AGAP1: variants seen among roughly 807,000 people sequenced by gnomAD.
The protein encoded by AGAP1 is ArfGAP with GTPase domain, ankyrin repeat and PH domain 1, also known as arf-GAP with GTPase, ANK repeat and PH domain-containing protein 1.
In AGAP1, 29 loss-of-function variants were observed where a neutral mutation model predicts 105.3. The ratio of observed to expected loss-of-function variants is 0.28; its 90% CI spans 0.21 to 0.38. The LOEUF is 0.38. Ranked by LOEUF, AGAP1 falls within the 10% of genes least tolerant of loss-of-function variation. AGAP1 has a pLI of 1.00. For synonymous variants in AGAP1, 509 were observed against 485.9 expected, an observed-to-expected ratio of 1.05 and a Z score of -0.63; for missense variants, 998 against 1,165.1, an observed-to-expected ratio of 0.86 and a Z score of 2.09.
In AGAP1 at chr2:235,919,733, A is replaced by G. The variant is rs1178325929; in HGVS notation, c.1324+10827A>G. ...AAACACACACACACACACCTGTTGC[A>G]TTTATCATATAAAGGAGAAAGAATA... On this transcript the variant is annotated intron_variant, in intron 11 of 17. Transcript: ENST00000304032. This position sits in a 1 kb window ranked among gnomAD's most constrained non-coding sequence, Gnocchi z 4.1. Among the ~76,000 whole-genome samples, 3 of 152,206 alleles carry G rather than the reference A, an allele frequency of 2.0e-5. No individual in the cohort carries two copies. The highest frequency in any genetic ancestry group is 6.5e-5 in the Admixed American group (1 of 15,278).
intron 9 of AGAP1, among the ~76,000 whole-genome samples, chr2:235,836,442 A>AAT (rs1255279290): frequency 9.8e-5 from 15 of 152,288 alleles, no homozygotes; most frequent in African/African-American, 3.6e-4. Flanking sequence ...CCCTTGTGGG[A>AAT]ATGCTGCTGA....
At chr2:235,498,804 C>T (rs1206907737) in intron 1 of AGAP1, among the ~76,000 whole-genome samples, 1 of 152,306 alleles carries the variant, frequency 6.6e-6, no homozygotes, top group African/African-American at 2.4e-5. Context: ...AGCCTCCATC[C>T]CCACCAGGTG....
Position 235,843,895 on chromosome 2 carries a change from G to A in AGAP1, c.1050+36564G>A, listed in dbSNP as rs912636300. 1.3e-5 allele frequency among the ~76,000 whole-genome samples: 2 copies of A among 152,326 alleles called. No individual in the cohort carries two copies. Among genetic ancestry groups the A allele is most frequent in the Admixed American group, 6.5e-5 (1 of 15,308 alleles). The stretch of plus-strand genomic sequence containing the variant: ...CCAGGCAGCCTCCTGGGCCGCCAGT[G>A]GTGTGGAGCTGGCCGAGAAAGGAGC... On this transcript the variant is annotated intron_variant, in intron 9 of 17. Coordinates refer to ENST00000304032, the MANE Select transcript of AGAP1 (RefSeq NM_001037131.3). The surrounding 1 kb of genome is among the most constrained non-coding windows in gnomAD (Gnocchi z 5.9).
chr2:236,063,360 G>A (rs1277298782), intron 16 of AGAP1, among the ~76,000 whole-genome samples: 1 of 152,156 alleles, frequency 6.6e-6, no homozygotes, highest in Non-Finnish European at 1.5e-5. Flanking sequence ...CAAAGTGCTG[G>A]GATTACAGGC....
intron 13 of AGAP1, among the ~76,000 whole-genome samples, chr2:235,985,596 CT>C (rs1377170730): frequency 1.3e-5 from 2 of 152,146 alleles, no homozygotes; most frequent in Non-Finnish European, 2.9e-5. Flanking sequence ...TCATTTAACT[CT>C]TTAATTAATC....
rs1957995683 is a variant in AGAP1, at chr2:235,809,157, C to G, written c.1050+1826C>G. 2.0e-5 allele frequency among the ~76,000 whole-genome samples: 3 copies of G among 152,012 alleles called. No individual in the cohort carries two copies. In the South Asian group the frequency reaches 6.2e-4, roughly 32 times the overall value. ...CTGGCGGGAGTCCCTCTGTGCGAGC[C>G]AGGTGGGCCCCCGGTATAATTGGAA... On this transcript the variant is annotated intron_variant, in intron 9 of 17. Transcript: ENST00000304032.
chr2:235,670,771 G>A (rs1221552886), intron 1 of AGAP1: 3 of 1,166,136 alleles, frequency 2.6e-6, no homozygotes, highest in Non-Finnish European at 3.6e-6. Flanking sequence ...ACGCGCTCTC[G>A]GACCTGGAGC....
chr2:235,870,143 C>A (rs1249695771), intron 9 of AGAP1, among the ~76,000 whole-genome samples: 1 of 152,192 alleles, frequency 6.6e-6, no homozygotes, highest in Admixed American at 6.5e-5. Context: ...CACAGCCTGT[C>A]CCCAGCTACC....
In AGAP1 at chr2:235,642,204, G is replaced by C. The variant is rs943237082; in HGVS notation, c.164-66975G>C. Among the ~76,000 whole-genome samples the C allele has an allele frequency of 1.3e-5, 2 of 152,198 alleles. No homozygotes were observed. The highest frequency in any genetic ancestry group is 4.8e-5 in the African/African-American group (2 of 41,452). On this transcript the variant is annotated intron_variant, in intron 1 of 17. Coordinates refer to ENST00000304032, the MANE Select transcript of AGAP1 (RefSeq NM_001037131.3). This position sits in a 1 kb window ranked among gnomAD's most constrained non-coding sequence, Gnocchi z 4.1. ...ACTGGGGATTCCTCTCCCAAGTCTT[G>C]CTAGCTCGTGGCATGTGCAATGGGA...
Position 235,721,573 on chromosome 2 carries a change from AGT to A in AGAP1, c.310+3933_310+3934del, listed in dbSNP as rs1426876853. Reference sequence around the variant, plus strand: ...ACTGTAGTAACGAACTGCCACACACAGTGTGGCTTAAAACAGAAATGTATTCT... The same window carrying A: ...ACTGTAGTAACGAACTGCCACACACAGTGGCTTAAAACAGAAATGTATTCT... On this transcript the variant is annotated intron_variant, in intron 3 of 17. Transcript: ENST00000304032. This position sits in a 1 kb window ranked among gnomAD's most constrained non-coding sequence, Gnocchi z 4.5. 6.6e-6 allele frequency among the ~76,000 whole-genome samples: 1 copy of A among 152,218 alleles called. No individual in the cohort carries two copies. The highest frequency in any genetic ancestry group is 2.4e-5 in the African/African-American group (1 of 41,464).
rs187758350 is a variant in AGAP1, at chr2:235,864,561, G to A, written c.1051-18784G>A. Among the ~76,000 whole-genome samples the A allele has an allele frequency of 6.6e-6, 1 of 152,320 alleles. No homozygotes were observed. The highest frequency in any genetic ancestry group is 1.9e-4 in the East Asian group (1 of 5,180). ...AAACGCAGGTCAGCATGGAGGGGCA[G>A]CCTGCAGAGGTGTCACCAGCAGCCA... On this transcript the variant is annotated intron_variant, in intron 9 of 17. Coordinates refer to ENST00000304032, the MANE Select transcript of AGAP1 (RefSeq NM_001037131.3). This position sits in a 1 kb window ranked among gnomAD's most constrained non-coding sequence, Gnocchi z 5.0.
At chr2:235,956,788 G>A (rs2053969837) in intron 12 of AGAP1, among the ~76,000 whole-genome samples, 1 of 152,212 alleles carries the variant, frequency 6.6e-6, no homozygotes, top group Admixed American at 6.5e-5. Context: ...CTGGAGGCCA[G>A]ACAGCCACGT....
At chr2:235,939,009 G>T (rs2125199651) in intron 12 of AGAP1, among the ~76,000 whole-genome samples, 1 of 152,330 alleles carries the variant, frequency 6.6e-6, no homozygotes, top group South Asian at 2.1e-4. Flanking sequence ...AGCCAGGGTT[G>T]AGAAGCTCTT....
Position 235,736,372 on chromosome 2 carries a change from G to T in AGAP1, c.311-4591G>T, listed in dbSNP as rs553999435. ...GAAGTTATGCTGATGTCATTTAATC[G>T]TACGTCATCATAATTGGCAGCAGAG... On this transcript the variant is annotated intron_variant, in intron 3 of 17. Transcript: ENST00000304032. The surrounding 1 kb of genome is among the most constrained non-coding windows in gnomAD (Gnocchi z 5.5). 2.3e-3 allele frequency among the ~76,000 whole-genome samples: 355 copies of T among 152,144 alleles called. 4 individuals carry two copies. Among genetic ancestry groups the T allele is most frequent in the East Asian group, 0.02 (105 of 5,156 alleles).
chr2:235,859,672 C>T (rs2048843403), intron 9 of AGAP1, among the ~76,000 whole-genome samples: 1 of 151,874 alleles, frequency 6.6e-6, no homozygotes, highest in African/African-American at 2.4e-5. Context: ...AGTTATTTTC[C>T]CGAAGGCATT....
rs62190952 is a variant in AGAP1 at position 235,944,608 on chromosome 2, C to G, written c.1483+13685C>G. ...ATCAAGCTTTGCATTAATGCAGAAA[C>G]TGAAATAAGTATCTCCACTCCCCAA... On this transcript the variant is annotated intron_variant, in intron 12 of 17. Transcript: ENST00000304032. Among the ~76,000 whole-genome samples the G allele has an allele frequency of 9.6e-3, 1,459 of 152,306 alleles. 15 individuals carry two copies. The highest frequency in any genetic ancestry group is 0.016 in the Non-Finnish European group (1,104 of 68,038).
At chr2:235,820,722 G>T (rs1367915977) in intron 9 of AGAP1, among the ~76,000 whole-genome samples, 2 of 152,178 alleles carry the variant, frequency 1.3e-5, no homozygotes, top group African/African-American at 4.8e-5. Context: ...AAATACTAGT[G>T]GAGAGACGAG....
At chr2:236,021,419 G>A (rs1266364878) in intron 13 of AGAP1, among the ~76,000 whole-genome samples, 1 of 152,092 alleles carries the variant, frequency 6.6e-6, no homozygotes, top group Non-Finnish European at 1.5e-5. Context: ...TGGCCATGCT[G>A]GACTCTTGCA....
At position 236,126,307 on chromosome 2, in the gene AGAP1, C is replaced by T. The variant is rs2060003320; in HGVS notation, c.*2185C>T. The T allele has an allele frequency of 1.3e-5, 2 of 152,118 alleles. No homozygotes were observed. The highest frequency in any genetic ancestry group is 1.5e-5 in the Non-Finnish European group (1 of 68,020). The allele number at this position is 152,118 out of a possible 1,614,324, so 9.4% of individuals were successfully genotyped here. A position where few individuals can be genotyped will look rare whatever the true frequency, so the allele number is the denominator to read the frequency against. ...GGTCATTGCCTATTTTTGAAGAACG[C>T]GTTGGTGTTCGAGTCCACTAGACAC... On this transcript the variant is annotated 3_prime_UTR_variant, in exon 18 of 18. Transcript: ENST00000304032.
Sources: gnomAD v4.1 joint callset for allele counts (sites outside exome capture counted in the v4.1 genomes callset) on GRCh38, gnomAD v4.1.1 for gene constraint, Gnocchi (gnomAD v3.1) non-coding constraint, MANE v1.5 for transcripts, NCBI Gene and HGNC (gene_info 2026-07-23, HGNC 2026-07-21) for gene names.